DAAM1: variants seen among roughly 807,000 people sequenced by gnomAD.
DAAM1 encodes disheveled-associated activator of morphogenesis 1.
A neutral mutation model predicts 130.0 loss-of-function variants in DAAM1; 52 were observed. That is an observed-to-expected ratio of 0.40 (90% CI 0.32 to 0.50). DAAM1 has a LOEUF of 0.50. DAAM1 is among the 20% of genes least tolerant of loss of function. DAAM1 has a pLI of 0.61. For missense variants in DAAM1, 1,134 were observed against 1,303.8 expected, an observed-to-expected ratio of 0.87 and a Z score of 2.01; for synonymous variants, 452 against 444.5, an observed-to-expected ratio of 1.02 and a Z score of -0.21.
intron 15 of DAAM1, among the ~76,000 whole-genome samples, chr14:59,336,023 GT>G (rs796087070): frequency 1.9e-4 from 27 of 143,320 alleles, no homozygotes; most frequent in South Asian, 1.5e-3. Flanking sequence ...TAGTGGTGTT[GT>G]TTTTTTTTTT....
chr14:59,292,740 C>T (rs924148030), intron 3 of DAAM1, among the ~76,000 whole-genome samples: 6 of 152,202 alleles, frequency 3.9e-5, no homozygotes, highest in Admixed American at 3.3e-4. Flanking sequence ...TCAGCCTTAA[C>T]CCCTCAGTAT....
chr14:59,357,650 C>T (rs1209604949), intron 20 of DAAM1, among the ~76,000 whole-genome samples: 4 of 152,124 alleles, frequency 2.6e-5, no homozygotes, highest in Admixed American at 6.5e-5. Flanking sequence ...TGGTGTCATG[C>T]GCTTGTAGTC....
At position 59,298,782 on chromosome 14, in the gene DAAM1, C is replaced by T. The variant is rs922750479; in HGVS notation, c.273+7476C>T. Among the ~76,000 whole-genome samples, 15 of 152,110 alleles carry T rather than the reference C, an allele frequency of 9.9e-5. No individual in the cohort carries two copies. The South Asian group carries it at 2.1e-3, about 21-fold the overall frequency. On this transcript the variant is annotated intron_variant, in intron 3 of 24. Transcript: ENST00000360909. The stretch of plus-strand genomic sequence containing the variant: ...CTCTAATTCCTTTGTTTAATGATAC[C>T]AGTGTTGGGTATTATTTTTGTTTTC...
chr14:59,281,793 G>C (rs1018290816), intron 2 of DAAM1, among the ~76,000 whole-genome samples: 12 of 152,118 alleles, frequency 7.9e-5, no homozygotes, highest in African/African-American at 2.7e-4. Context: ...TTGTAAGGCT[G>C]TGATAGTTTC....
chr14:59,200,578 A>G (rs17095839), intron 1 of DAAM1, among the ~76,000 whole-genome samples: 17,668 of 152,216 alleles, frequency 0.12, 1,582 homozygotes, highest in African/African-American at 0.25. Flanking sequence ...GTACAAAATG[A>G]AAATGTTATA....
chr14:59,360,900 C>T (rs760278953), intron 22 of DAAM1, 38 bp downstream of exon 22: 3 of 1,593,690 alleles, frequency 1.9e-6, no homozygotes, highest in Non-Finnish European at 2.6e-6. Flanking sequence ...TTCCTGGTCT[C>T]TTCACTATCT....
At chr14:59,310,426 C>T (rs1446492323) in intron 3 of DAAM1, among the ~76,000 whole-genome samples, 1 of 152,092 alleles carries the variant, frequency 6.6e-6, no homozygotes, top group Non-Finnish European at 1.5e-5. Context: ...AGCCACCGTG[C>T]CTGGCCAGTA....
At chr14:59,286,875 C>G (rs1324150905) in intron 2 of DAAM1, among the ~76,000 whole-genome samples, 1 of 152,114 alleles carries the variant, frequency 6.6e-6, no homozygotes, top group Non-Finnish European at 1.5e-5. Context: ...AGAGCTAGTA[C>G]CAATCCTACT....
chr14:59,327,766 G>A (rs528492079), intron 12 of DAAM1, among the ~76,000 whole-genome samples: 23 of 152,278 alleles, frequency 1.5e-4, no homozygotes, highest in African/African-American at 5.5e-4. Context: ...GTTATAAAAA[G>A]AGAAGTCATT....
chr14:59,328,162 C>G (rs1231957587), intron 12 of DAAM1, among the ~76,000 whole-genome samples: 2 of 152,226 alleles, frequency 1.3e-5, no homozygotes, highest in African/African-American at 4.8e-5. Context: ...TCTCTCATCA[C>G]ATTTCCACTG....
chr14:59,318,285 G>A (rs974007279), intron 4 of DAAM1, among the ~76,000 whole-genome samples: 2 of 151,766 alleles, frequency 1.3e-5, no homozygotes, highest in East Asian at 3.9e-4. Context: ...CGGGAGCTAA[G>A]TTCCAGACTC....
intron 17 of DAAM1, among the ~76,000 whole-genome samples, chr14:59,348,628 G>C (rs550683419): frequency 2.0e-5 from 3 of 152,216 alleles, no homozygotes; most frequent in Admixed American, 1.3e-4. Flanking sequence ...ATTCTAGACT[G>C]AACTCCAGGT....
chr14:59,274,717 G>A (rs1220512128), intron 2 of DAAM1, among the ~76,000 whole-genome samples: 4 of 152,156 alleles, frequency 2.6e-5, no homozygotes, highest in African/African-American at 9.7e-5. Context: ...CAGCAGTTGG[G>A]TTTGTATTTT....
chr14:59,268,909 T>G (rs1363268800), intron 2 of DAAM1, among the ~76,000 whole-genome samples: 1 of 152,232 alleles, frequency 6.6e-6, no homozygotes, highest in African/African-American at 2.4e-5. Flanking sequence ...AAGTCTTAAA[T>G]TATCTCAGCC....
intron 16 of DAAM1, among the ~76,000 whole-genome samples, chr14:59,347,109 G>A (rs919083004): frequency 6.6e-6 from 1 of 152,146 alleles, no homozygotes; most frequent in Non-Finnish European, 1.5e-5. Flanking sequence ...ACAATAACAT[G>A]TAGTTTCTAA....
Position 59,239,393 on chromosome 14 carries a change from GT to G in DAAM1, c.-37-24041del, listed in dbSNP as rs1566662959. ...ACACAGTCTCCTTATTGTCACTCTA[GT>G]TTTTTTCTAGATGGAAAAAGAGAGA... is the stretch of plus-strand genomic sequence containing the variant. On this transcript the variant is annotated intron_variant, in intron 1 of 24. Coordinates refer to ENST00000360909, the MANE Select transcript of DAAM1 (RefSeq NM_001270520.2). Among the ~76,000 whole-genome samples the G allele has an allele frequency of 3.3e-5, 5 of 152,140 alleles. No individual in the cohort carries two copies. In the South Asian group the frequency reaches 1.0e-3, roughly 32 times the overall value.
At chr14:59,221,911 GGCGTAATGGT>G (rs1396470886) in intron 1 of DAAM1, among the ~76,000 whole-genome samples, 1 of 152,220 alleles carries the variant, frequency 6.6e-6, no homozygotes, top group Non-Finnish European at 1.5e-5. Context: ...TGACCCACTA[GGCGTAATGGT>G]GAGTGGTGCC....
Position 59,326,497 on chromosome 14 carries a change from T to G in DAAM1, c.1175-13T>G. On this transcript the variant is annotated splice_polypyrimidine_tract_variant and intron_variant, in intron 10 of 24. Transcript: ENST00000360909. ...ACTTGAAGATTTTTTTTCACTATTCTTTTCTTTTTTAGACAAGAGGAGTGG... is the reference window on the plus strand; with the variant it reads ...ACTTGAAGATTTTTTTTCACTATTCGTTTCTTTTTTAGACAAGAGGAGTGG... 1 of 1,562,344 alleles carries G rather than the reference T, an allele frequency of 6.4e-7. No homozygotes were observed. The highest frequency in any genetic ancestry group is 8.7e-7 in the Non-Finnish European group (1 of 1,155,818).
At chr14:59,262,650 A>G (rs1023089061) in intron 1 of DAAM1, among the ~76,000 whole-genome samples, 3 of 131,922 alleles carry the variant, frequency 2.3e-5, no homozygotes, top group African/African-American at 5.8e-5. Flanking sequence ...ATAATATTCT[A>G]TTAGTGTGTG....
Sources: gnomAD v4.1 joint callset for allele counts (sites outside exome capture counted in the v4.1 genomes callset) on GRCh38, gnomAD v4.1.1 for gene constraint, MANE v1.5 for transcripts, NCBI Gene and HGNC (gene_info 2026-07-23, HGNC 2026-07-21) for gene names.